The following PRKACB variants were observed in gnomAD, a reference collection of about 807,000 sequenced individuals.
PRKACB encodes cAMP-dependent protein kinase catalytic subunit beta.
PRKACB carries 16 observed loss-of-function variants against 51.4 expected under a neutral mutation model. That is an observed-to-expected ratio of 0.31 (90% confidence interval 0.21 to 0.47). The LOEUF (loss-of-function observed/expected upper bound fraction) is 0.47, where lower values mean the gene tolerates loss of function less well. Among genes scored for constraint, PRKACB ranks in the 20% least tolerant of loss-of-function variants. The pLI is 1.00. For missense variants in PRKACB, 309 were observed against 464.5 expected (o/e 0.67, Z 3.08); for synonymous variants, 147 against 154.4 (o/e 0.95, Z 0.35).
Position 84,174,960 on chromosome 1 carries a change from C to T in PRKACB, c.188-4217C>T, listed in dbSNP as rs377320396. On this transcript the variant is annotated intron_variant, in intron 1 of 9. Transcript: ENST00000370685. ...CTGTATATAGTATTCTGAAAAAATG[C>T]GTATTGGTGACTTCATGCTAATATG... 68 of 1,319,306 alleles carry T rather than the reference C, an allele frequency of 5.2e-5. 1 individual carries two copies. Among genetic ancestry groups the T allele is most frequent in the East Asian group, 2.4e-4 (8 of 33,644 alleles). 81.7% of individuals were successfully genotyped at this position (1,319,306 alleles called of 1,614,324 possible). A position where few individuals can be genotyped will look rare whatever the true frequency, so the allele number is the denominator to read the frequency against.
intron 1 of PRKACB, chr1:84,157,369 G>C (rs916646494): frequency 1.3e-5 from 2 of 151,974 alleles, no homozygotes; most frequent in African/African-American, 4.8e-5. Flanking sequence ...TTTCCTCCTC[G>C]GTAGAGAAGC....
rs998830845 is a variant in PRKACB, at chr1:84,078,505, G to A, written c.46+134G>A. The A allele has an allele frequency of 1.3e-5, 13 of 1,002,324 alleles. No homozygotes were observed. The Admixed American group carries it at 3.1e-4, about 24-fold the overall frequency. 62.1% of individuals were successfully genotyped at this position (1,002,324 alleles called of 1,614,324 possible). On this transcript the variant is annotated intron_variant, in intron 1 of 8. Coordinates refer to the PRKACB transcript ENST00000370688. ...CGGCCGCCGGGAGTCGTTCTGGGGGGCCGGGAGACCAGCTGCCTTTCTCCT... is the reference window on the plus strand; with the variant it reads ...CGGCCGCCGGGAGTCGTTCTGGGGGACCGGGAGACCAGCTGCCTTTCTCCT...
intron 8 of PRKACB, among the ~76,000 whole-genome samples, chr1:84,207,378 T>C (rs1257151891): frequency 1.3e-5 from 2 of 152,186 alleles, no homozygotes; most frequent in Non-Finnish European, 2.9e-5. Context: ...AGCTCTTTCT[T>C]TTCACATATA....
At chr1:84,085,959 A>T (rs1203564429) in intron 1 of PRKACB, 31 of 698,724 alleles carry the variant, frequency 4.4e-5, no homozygotes, top group Non-Finnish European at 2.6e-6. Context: ...TTCAAGACCA[A>T]CAGTGAGACG....
chr1:84,086,044 G>A, intron 1 of PRKACB: 2 of 922,930 alleles, frequency 2.2e-6, no homozygotes, highest in Non-Finnish European at 3.6e-6. Flanking sequence ...AGAAGATGGT[G>A]GTCAAGCAGC....
rs544948157 is a variant in PRKACB at position 84,113,231 on chromosome 1, G to T, written c.46+34860G>T. 2.6e-5 allele frequency among the ~76,000 whole-genome samples: 4 copies of T among 152,192 alleles called. No individual in the cohort carries two copies. In the South Asian group the frequency reaches 8.3e-4, roughly 32 times the overall value. ...GACAAGCATGTCAAATGTAAATTGG[G>T]ATAGCCATTCCTGAGACAATTTGGT... is the stretch of plus-strand genomic sequence containing the variant. On this transcript the variant is annotated intron_variant, in intron 1 of 8. Coordinates refer to the PRKACB transcript ENST00000370688.
chr1:84,129,498 C>A (rs1651959114), intron 1 of PRKACB, among the ~76,000 whole-genome samples: 1 of 152,066 alleles, frequency 6.6e-6, no homozygotes, highest in African/African-American at 2.4e-5. Flanking sequence ...GACAAAAGTA[C>A]TACAACTTTA....
intron 2 of PRKACB, among the ~76,000 whole-genome samples, chr1:84,181,042 ACTT>A (rs2100981203): frequency 6.6e-6 from 1 of 152,206 alleles, no homozygotes; most frequent in South Asian, 2.1e-4. Flanking sequence ...TCTTATGACT[ACTT>A]AAAATTATTT....
chr1:84,104,321 A>C (rs964270009), intron 1 of PRKACB, among the ~76,000 whole-genome samples: 5 of 152,162 alleles, frequency 3.3e-5, no homozygotes, highest in African/African-American at 1.2e-4. Context: ...ATTCTTTGTT[A>C]TGTCTAAATA....
At chr1:84,090,986 A>C (rs1042888937) in intron 1 of PRKACB, among the ~76,000 whole-genome samples, 12 of 152,060 alleles carry the variant, frequency 7.9e-5, no homozygotes, top group African/African-American at 2.7e-4. Flanking sequence ...TATGTATAAT[A>C]ATATGTCTTC....
At chr1:84,199,330 T>C (rs1219928934) in intron 7 of PRKACB, among the ~76,000 whole-genome samples, 4 of 151,872 alleles carry the variant, frequency 2.6e-5, no homozygotes, top group Non-Finnish European at 5.9e-5. Context: ...TAGAATCCAG[T>C]ATCTGTTTTT....
chr1:84,078,552 G>A (rs1557889453), intron 1 of PRKACB, among the ~76,000 whole-genome samples: 1 of 152,182 alleles, frequency 6.6e-6, no homozygotes, highest in Non-Finnish European at 1.5e-5. Flanking sequence ...CCCCAGCTCC[G>A]CGTTGAGAGC....
intron 1 of PRKACB, among the ~76,000 whole-genome samples, chr1:84,104,333 T>C (rs1571592384): frequency 6.6e-6 from 1 of 152,176 alleles, no homozygotes; most frequent in East Asian, 1.9e-4. Context: ...GTCTAAATAG[T>C]AGGTCATTGT....
intron 1 of PRKACB, among the ~76,000 whole-genome samples, chr1:84,100,253 G>A (rs990169842): frequency 6.6e-6 from 1 of 150,904 alleles, no homozygotes; most frequent in Non-Finnish European, 1.5e-5. Flanking sequence ...AACAGCATGG[G>A]GAAAACCTCT....
rs368331072 is a variant in PRKACB at position 84,235,259 on chromosome 1, G to A, written c.1151G>A (p.Arg384His). The A allele has an allele frequency of 2.6e-5, 42 of 1,613,986 alleles. No individual in the cohort carries two copies. The highest frequency in any genetic ancestry group is 6.7e-5 in the African/African-American group (5 of 75,014). Residue 384 changes from arginine (R) to histidine (H), a missense_variant, in exon 10 of 10, where the codon CGT becomes CAT. Arg to His is a conservative substitution (Grantham distance 29, BLOSUM62 0). Coordinates refer to ENST00000370685, the MANE Select transcript of PRKACB (RefSeq NM_182948.4). ...NFDDYEEEDIRVSITEKCAKE... is the reference protein window; with the variant it reads ...NFDDYEEEDIHVSITEKCAKE... Reference sequence around the variant, plus strand: ...GATGACTATGAAGAAGAAGATATCCGTGTCTCTATAACAGAAAAATGTGCA... The same window carrying A: ...GATGACTATGAAGAAGAAGATATCCATGTCTCTATAACAGAAAAATGTGCA...
At chr1:84,178,034 G>A (rs1336646996) in intron 1 of PRKACB, among the ~76,000 whole-genome samples, 1 of 151,998 alleles carries the variant, frequency 6.6e-6, no homozygotes, top group African/African-American at 2.4e-5. Context: ...AAAAACTAAT[G>A]TCTGCTCTTG....
intron 1 of PRKACB, among the ~76,000 whole-genome samples, chr1:84,126,128 G>C (rs1448890646): frequency 3.9e-5 from 6 of 152,096 alleles, no homozygotes; most frequent in Admixed American, 6.5e-5. Flanking sequence ...GTCCTAGAGG[G>C]CATGTGTTAC....
Position 84,235,280 on chromosome 1 carries a change from G to T in PRKACB, c.1172G>T (p.Cys391Phe), listed in dbSNP as rs760930454. The T allele has an allele frequency of 6.2e-7, 1 of 1,614,018 alleles. No individual in the cohort carries two copies. ...ATCCGTGTCTCTATAACAGAAAAAT[G>T]TGCAAAAGAATTTGGTGAATTTTAA... ...EDIRVSITEK[C>F]AKEFGEF The change falls in exon 10 of 10, where the codon TGT becomes TTT. Residue 391 changes from cysteine (C) to phenylalanine (F), a missense_variant. By Grantham distance (205) the Cys-to-Phe change is radical. This residue lies in a region of PRKACB where 96 missense variants were observed against 129.9 expected (regional missense o/e 0.74). Coordinates refer to ENST00000370685, the MANE Select transcript of PRKACB (RefSeq NM_182948.4).
At chr1:84,201,070 AG>A (rs1669969463) in intron 7 of PRKACB, among the ~76,000 whole-genome samples, 1 of 152,130 alleles carries the variant, frequency 6.6e-6, no homozygotes, top group Non-Finnish European at 1.5e-5. Flanking sequence ...ATATATTCCC[AG>A]AAGTAGAATT....
Sources: gnomAD v4.1 joint callset for allele counts (sites outside exome capture counted in the v4.1 genomes callset) on GRCh38, gnomAD v4.1.1 for gene constraint, gnomAD v4.1.1 regional missense constraint, MANE v1.5 for transcripts, NCBI Gene and HGNC (gene_info 2026-07-23, HGNC 2026-07-21) for gene names.